The following SETBP1 variants were observed in gnomAD, a reference collection of about 807,000 sequenced individuals.
SETBP1 encodes SET-binding protein.
In SETBP1, 9 loss-of-function variants were observed where a neutral mutation model predicts 101.0. The ratio of observed to expected loss-of-function variants is 0.09; its 90% CI spans 0.05 to 0.16. The LOEUF is 0.16. Ranked by LOEUF, SETBP1 falls within the 10% of genes least tolerant of loss-of-function variation. The pLI is 1.00. For missense variants in SETBP1, 1,858 were observed against 2,033.8 expected (o/e 0.91, Z 1.66); for synonymous variants, 818 against 788.5 (o/e 1.04, Z -0.63).
At chr18:45,035,796 C>T (rs534194671) in intron 4 of SETBP1, among the ~76,000 whole-genome samples, 9 of 152,166 alleles carry the variant, frequency 5.9e-5, no homozygotes, top group Non-Finnish European at 1.3e-4. Flanking sequence ...TGTGGAAATT[C>T]TGCCTCCATC....
intron 3 of SETBP1, among the ~76,000 whole-genome samples, chr18:44,901,902 T>C (rs2070054866): frequency 6.6e-6 from 1 of 152,216 alleles, no homozygotes; most frequent in African/African-American, 2.4e-5. Flanking sequence ...GTATATATTT[T>C]AACACATCTT....
At chr18:44,762,688 T>C (rs1369030535) in intron 2 of SETBP1, among the ~76,000 whole-genome samples, 2 of 152,314 alleles carry the variant, frequency 1.3e-5, no homozygotes, top group Admixed American at 1.3e-4. Context: ...TGCAAGCCCA[T>C]GTCTGGGGTG....
intron 2 of SETBP1, among the ~76,000 whole-genome samples, chr18:44,747,479 A>G (rs1057330148): frequency 1.3e-5 from 2 of 152,270 alleles, no homozygotes; most frequent in Admixed American, 1.3e-4. Context: ...GGCCCAGGCC[A>G]CACAGCTCGA....
chr18:45,029,059 T>C (rs2073233596), intron 4 of SETBP1, among the ~76,000 whole-genome samples: 1 of 152,244 alleles, frequency 6.6e-6, no homozygotes, highest in African/African-American at 2.4e-5. Flanking sequence ...CCATTGTTTT[T>C]GGTGTTTTAG....
intron 2 of SETBP1, among the ~76,000 whole-genome samples, chr18:44,721,970 A>G (rs1236473000): frequency 6.6e-6 from 1 of 152,112 alleles, no homozygotes; most frequent in African/African-American, 2.4e-5. Flanking sequence ...GATAATTTGC[A>G]TATTGTCACT....
intron 3 of SETBP1, among the ~76,000 whole-genome samples, chr18:44,885,641 G>A (rs944104706): frequency 6.6e-6 from 1 of 151,868 alleles, no homozygotes; most frequent in Non-Finnish European, 1.5e-5. Context: ...AAATCGAGGA[G>A]TTAAAAATTG....
intron 4 of SETBP1, among the ~76,000 whole-genome samples, chr18:45,029,806 CTGTT>C (rs1224784897): frequency 6.6e-6 from 1 of 152,082 alleles, no homozygotes; most frequent in Non-Finnish European, 1.5e-5. Context: ...ATTTGGCTCT[CTGTT>C]TGTCTGTTAT....
intron 2 of SETBP1, among the ~76,000 whole-genome samples, chr18:44,838,541 G>C (rs1299717403): frequency 1.3e-5 from 2 of 152,214 alleles, no homozygotes; most frequent in Admixed American, 1.3e-4. Context: ...GCCAAAGCTA[G>C]GTAGCCCTTG....
At chr18:44,948,842 T>C (rs1052179218) in intron 3 of SETBP1, among the ~76,000 whole-genome samples, 1 of 152,244 alleles carries the variant, frequency 6.6e-6, no homozygotes, top group African/African-American at 2.4e-5. Flanking sequence ...ACACTGATTA[T>C]GTTGTGCCTC....
chr18:45,009,287 C>T (rs778224447), intron 4 of SETBP1, among the ~76,000 whole-genome samples: 46 of 151,416 alleles, frequency 3.0e-4, no homozygotes, highest in Middle Eastern at 3.4e-3. Context: ...ACGCAGTGTA[C>T]GCCAGGTTAG....
At chr18:45,052,686 C>T (rs1056895815) in intron 5 of SETBP1, among the ~76,000 whole-genome samples, 4 of 152,096 alleles carry the variant, frequency 2.6e-5, no homozygotes, top group Non-Finnish European at 4.4e-5. Flanking sequence ...AGGAGAAAGT[C>T]GAAAGCAATT....
At chr18:44,905,568 G>T (rs1221972721) in intron 3 of SETBP1, among the ~76,000 whole-genome samples, 1 of 130,612 alleles carries the variant, frequency 7.7e-6, no homozygotes, top group East Asian at 2.1e-4. Flanking sequence ...GAAATAAAAG[G>T]GTTCTGATAC....
intron 3 of SETBP1, among the ~76,000 whole-genome samples, chr18:44,896,943 C>T (rs192641340): frequency 2.0e-5 from 3 of 150,722 alleles, no homozygotes; most frequent in Admixed American, 2.0e-4. Context: ...ACTGTACCAT[C>T]ACACACACAC....
At chr18:44,720,314 ATAAC>A (rs143275450) in intron 2 of SETBP1, among the ~76,000 whole-genome samples, 2,462 of 152,364 alleles carry the variant, frequency 0.016, 77 homozygotes, top group African/African-American at 0.056. Context: ...ACCTATTCCT[ATAAC>A]TAACTAAGTA....
intron 3 of SETBP1, among the ~76,000 whole-genome samples, chr18:44,881,414 A>T (rs535983043): frequency 9.2e-5 from 14 of 152,326 alleles, no homozygotes; most frequent in African/African-American, 3.4e-4. Flanking sequence ...GAGACAGCAC[A>T]TTTCATTCTT....
rs576271798 is a variant in SETBP1 at position 44,806,893 on chromosome 18, G to A, written c.487-62337G>A. On this transcript the variant is annotated intron_variant, in intron 2 of 5. Coordinates refer to ENST00000649279, the MANE Select transcript of SETBP1 (RefSeq NM_015559.3). ...GTTTAGGACTCAGTTTCCCTCCTGC[G>A]TGCCACCTAGCCATTGCTTTCTCAT... Among the ~76,000 whole-genome samples the A allele has an allele frequency of 1.3e-4, 19 of 151,708 alleles. No homozygotes were observed. In the South Asian group the frequency reaches 2.1e-3, roughly 17 times the overall value.
chr18:44,784,408 A>G (rs1019830428), intron 2 of SETBP1, among the ~76,000 whole-genome samples: 1 of 152,056 alleles, frequency 6.6e-6, no homozygotes, highest in Non-Finnish European at 1.5e-5. Context: ...AGGGGTCTGC[A>G]CTTGCTATGA....
intron 2 of SETBP1, among the ~76,000 whole-genome samples, chr18:44,804,231 A>G (rs899101053): frequency 6.6e-6 from 1 of 152,158 alleles, no homozygotes; most frequent in Admixed American, 6.5e-5. Context: ...TCTGTGAGTC[A>G]GTGTGTGACA....
chr18:44,929,545 T>C (rs2070779586), intron 3 of SETBP1, among the ~76,000 whole-genome samples: 1 of 152,206 alleles, frequency 6.6e-6, no homozygotes, highest in African/African-American at 2.4e-5. Flanking sequence ...ATTCTCACGA[T>C]ATTGATTCTT....
Sources: gnomAD v4.1 joint callset for allele counts (sites outside exome capture counted in the v4.1 genomes callset) on GRCh38, gnomAD v4.1.1 for gene constraint, MANE v1.5 for transcripts, NCBI Gene and HGNC (gene_info 2026-07-23, HGNC 2026-07-21) for gene names.